Variants in OAS2 observed in about 807,000 individuals in gnomAD.
OAS2 encodes the protein 2'-5'-oligoadenylate synthetase 2.
A neutral mutation model predicts 71.3 loss-of-function variants in OAS2; 67 were observed. That is an observed-to-expected ratio of 0.94 (90% CI 0.77 to 1.15). The LOEUF (loss-of-function observed/expected upper bound fraction) is 1.15. Ranked by LOEUF, OAS2 falls within the 50% of genes most tolerant of loss-of-function variation. OAS2 has a pLI of 0.00. For synonymous variants in OAS2, 327 were observed against 321.8 expected (o/e 1.02, Z -0.17); for missense variants, 789 against 822.5 (o/e 0.96, Z 0.50).
At chr12:113,005,957 A>G (rs939990943) in intron 7 of OAS2, among the ~76,000 whole-genome samples, 5 of 146,698 alleles carry the variant, frequency 3.4e-5, no homozygotes, top group African/African-American at 1.3e-4. Context: ...AAAAACAAGA[A>G]GCAGCGCACC....
chr12:113,001,863 CAAAAAAAAAA>C (rs71086131), intron 5 of OAS2, among the ~76,000 whole-genome samples: 1 of 21,868 alleles, frequency 4.6e-5, no homozygotes, highest in Admixed American at 5.0e-4. Flanking sequence ...CCCATCTCTA[CAAAAAAAAAA>C]AAAAAAAAAA....
intron 1 of OAS2, among the ~76,000 whole-genome samples, chr12:112,981,601 C>G (rs1402190882): frequency 6.6e-6 from 1 of 152,012 alleles, no homozygotes; most frequent in Non-Finnish European, 1.5e-5. Flanking sequence ...TCCCATGCTG[C>G]TTTGGTTACT....
intron 5 of OAS2, among the ~76,000 whole-genome samples, chr12:113,002,728 T>TG (rs980015895): frequency 1.3e-5 from 2 of 152,076 alleles, no homozygotes; most frequent in Non-Finnish European, 2.9e-5. Flanking sequence ...TTTGTGTCTG[T>TG]GGGGGGTCTT....
intron 2 of OAS2, chr12:112,988,916 C>G: frequency 5.9e-6 from 1 of 169,390 alleles, no homozygotes; most frequent in Non-Finnish European, 1.2e-5. Context: ...CCAAAAGTAT[C>G]TGAGACAGGT....
chr12:112,994,419 T>C (rs976654098), intron 2 of OAS2, among the ~76,000 whole-genome samples: 1 of 152,106 alleles, frequency 6.6e-6, no homozygotes, highest in African/African-American at 2.4e-5. Flanking sequence ...AATGTGTTTA[T>C]TTTATTTTTA....
Position 113,005,106 on chromosome 12 carries a change from A to G in OAS2, c.1352A>G (p.Glu451Gly). 6.2e-7 allele frequency: 1 copy of G among 1,614,118 alleles called. No homozygotes were observed. The highest frequency in any genetic ancestry group is 1.3e-5 in the African/African-American group (1 of 75,036). The change falls in exon 7 of 10, where the codon GAA (glutamate) becomes GGA (glycine). Residue 451 changes from glutamate to glycine, a missense_variant. Transcript: ENST00000392583. ...TGGAGGGAGAAGGAGGAGGAGCTTG[A>G]AGTCAGCTTTGAGCCTCCCAAGTGG... ...AFWREKEEEL[E>G]VSFEPPKWKA...
intron 5 of OAS2, among the ~76,000 whole-genome samples, chr12:113,000,867 T>TA (rs1479114165): frequency 6.6e-6 from 1 of 152,244 alleles, no homozygotes; most frequent in Non-Finnish European, 1.5e-5. Context: ...AAGGCCAACT[T>TA]ACAACATCTG....
At chr12:112,991,396 C>T (rs1157499011) in intron 2 of OAS2, among the ~76,000 whole-genome samples, 1 of 152,198 alleles carries the variant, frequency 6.6e-6, no homozygotes, top group Non-Finnish European at 1.5e-5. Context: ...GGATGCGCAC[C>T]CGTAACACAG....
At chr12:113,001,029 C>T (rs1168957865) in intron 5 of OAS2, among the ~76,000 whole-genome samples, 1 of 151,988 alleles carries the variant, frequency 6.6e-6, no homozygotes. Flanking sequence ...AAAAAAATGC[C>T]CTAAACTTAG....
intron 1 of OAS2, among the ~76,000 whole-genome samples, chr12:112,979,844 G>A (rs1027644416): frequency 8.5e-5 from 13 of 152,140 alleles, no homozygotes; most frequent in South Asian, 6.2e-4. Context: ...GTTTTTAAAC[G>A]TTTTACAATT....
intron 2 of OAS2, 190 bp downstream of exon 2, chr12:112,987,498 A>G (rs1565990970): frequency 6.3e-6 from 9 of 1,432,872 alleles, no homozygotes; most frequent in Non-Finnish European, 8.2e-6. Flanking sequence ...CTTCTCCCCC[A>G]TACCCTGATT....
Position 113,010,387 on chromosome 12 carries a change from C to T in OAS2, c.*1132C>T. Reference sequence around the variant, plus strand: ...TTTTCTTTTTAGACAATGCAGACACCAGGAAGTTGTGGAGCTAGGATCCAT... The same window carrying T: ...TTTTCTTTTTAGACAATGCAGACACTAGGAAGTTGTGGAGCTAGGATCCAT... On this transcript the variant is annotated 3_prime_UTR_variant, in exon 10 of 10. Transcript: ENST00000392583. 1 of 1,613,488 alleles carries T rather than the reference C, an allele frequency of 6.2e-7. No homozygotes were observed. The highest frequency in any genetic ancestry group is 8.5e-7 in the Non-Finnish European group (1 of 1,179,760).
intron 9 of OAS2, among the ~76,000 whole-genome samples, chr12:113,008,305 A>G (rs1269483892): frequency 6.6e-6 from 1 of 152,148 alleles, no homozygotes; most frequent in Non-Finnish European, 1.5e-5. Flanking sequence ...CAAGAATAGT[A>G]AGAAATCATA....
At chr12:112,985,901 G>A (rs1175211908) in intron 1 of OAS2, among the ~76,000 whole-genome samples, 1 of 152,230 alleles carries the variant, frequency 6.6e-6, no homozygotes, top group Non-Finnish European at 1.5e-5. Flanking sequence ...TCTGGCAGGA[G>A]TTTGAGGTTA....
chr12:112,997,436 G>A, intron 3 of OAS2, 84 bp from the exon 4 acceptor site: 1 of 1,117,458 alleles, frequency 8.9e-7, no homozygotes, highest in Non-Finnish European at 1.3e-6. Context: ...ACTTCCTGTA[G>A]ACCTCTGGTT....
At chr12:113,007,261 G>A (rs1349347992) in intron 8 of OAS2, among the ~76,000 whole-genome samples, 1 of 152,196 alleles carries the variant, frequency 6.6e-6, no homozygotes, top group Non-Finnish European at 1.5e-5. Context: ...ACCAAACTCT[G>A]TAGTTTTCAT....
rs2044361625 is a variant in OAS2 at position 113,009,415 on chromosome 12, C to T, written c.*160C>T. On this transcript the variant is annotated 3_prime_UTR_variant, in exon 10 of 10. Transcript: ENST00000392583. The stretch of plus-strand genomic sequence containing the variant: ...CTAAGCCCCCACTACAAGTGATCCT[C>T]AGGCAGGTAACCCCAGATTCATGCA... The T allele has an allele frequency of 2.1e-6, 3 of 1,461,828 alleles. No homozygotes were observed. The highest frequency in any genetic ancestry group is 1.4e-5 in the South Asian group (1 of 69,398). The allele number at this position is 1,461,828 out of a possible 1,614,324, so 90.6% of individuals were successfully genotyped here. A position where few individuals can be genotyped will look rare whatever the true frequency, so the allele number is the denominator to read the frequency against.
At chr12:112,987,791 A>G in intron 2 of OAS2, 2 of 991,782 alleles carry the variant, frequency 2.0e-6, no homozygotes, top group Non-Finnish European at 2.4e-6. Context: ...CTGCCTTCCT[A>G]CCAGGTCAAA....
At chr12:112,995,240 G>T in intron 2 of OAS2, 56 bp from the exon 3 acceptor site, 1 of 1,524,986 alleles carries the variant, frequency 6.6e-7, no homozygotes, top group South Asian at 1.2e-5. Context: ...AGCAACCCTG[G>T]CTCTCTAAAA....
Sources: allele counts gnomAD v4.1 joint callset (sites outside exome capture counted in the v4.1 genomes callset), GRCh38; gene constraint gnomAD v4.1.1; transcripts MANE v1.5; gene names NCBI Gene and HGNC (gene_info 2026-07-23, HGNC 2026-07-21).